Variants in WDR62 observed in about 807,000 individuals in gnomAD.
WDR62 encodes the protein WD repeat domain 62, also known as WD repeat-containing protein 62.
Under a neutral mutation model 160.6 loss-of-function variants are expected in WDR62, and 112 were observed. The observed-to-expected ratio is 0.70, with a 90% CI of 0.60 to 0.82. The LOEUF (loss-of-function observed/expected upper bound fraction) is 0.82. Among genes scored for constraint, WDR62 ranks in the 40% least tolerant of loss-of-function variants. The probability of loss-of-function intolerance (pLI) is 0.00; values close to 1 mark genes in which losing one functional copy is unlikely to be tolerated. For missense variants in WDR62, 1,819 were observed against 1,983.8 expected, an observed-to-expected ratio of 0.92 and a Z score of 1.58; for synonymous variants, 792 against 815.1, an observed-to-expected ratio of 0.97 and a Z score of 0.48.
chr19:36,095,620 C>T (rs925129128), intron 20 of WDR62, among the ~76,000 whole-genome samples: 1 of 152,206 alleles, frequency 6.6e-6, no homozygotes, highest in Non-Finnish European at 1.5e-5. Flanking sequence ...ATGGTGAAAC[C>T]CCATGTCTGC....
At chr19:36,106,943 G>A (rs1271662934), downstream of WDR62, among the ~76,000 whole-genome samples, 3 of 152,064 alleles carry the variant, frequency 2.0e-5, no homozygotes, top group East Asian at 1.9e-4. Flanking sequence ...TGCCTAGTTC[G>A]GCCACCATTG....
At chr19:36,094,269 G>A in intron 20 of WDR62, 105 bp downstream of exon 20, 6 of 1,485,378 alleles carry the variant, frequency 4.0e-6, no homozygotes, top group Non-Finnish European at 4.7e-6. Context: ...AAACTCAGGA[G>A]TCGACAGGGT....
At chr19:36,090,381 C>T in intron 15 of WDR62, 64 bp from the exon 16 acceptor site, 1 of 1,517,640 alleles carries the variant, frequency 6.6e-7, no homozygotes, top group Admixed American at 1.7e-5. Context: ...ACAGCAAGAG[C>T]CAGAGAATGA....
chr19:36,102,178 C>T (rs1194984804), intron 26 of WDR62, 27 bp downstream of exon 26: 16 of 1,613,870 alleles, frequency 9.9e-6, no homozygotes, highest in Non-Finnish European at 1.3e-5. Context: ...CCCACACCTG[C>T]CGAGGCCGTC....
In WDR62 at chr19:36,054,920, T is replaced by TGGCGGC. The variant is rs1310497634; in HGVS notation, c.-51_-46dup. The TGGCGGC allele has an allele frequency of 1.5e-5, 23 of 1,546,014 alleles. No individual in the cohort carries two copies. Among genetic ancestry groups the TGGCGGC allele is most frequent in the Admixed American group, 1.9e-5 (1 of 51,628 alleles). ...TCGCTGTTCCAGTGGGTCGTGGCGG[T>TGGCGGC]GGCGGCAGCGGCGGTTAGGGGATGT... On this transcript the variant is annotated 5_prime_UTR_variant, in exon 1 of 32. Coordinates refer to ENST00000401500, the MANE Select transcript of WDR62 (RefSeq NM_001083961.2).
At chr19:36,086,449 C>T (rs1972236743) in intron 12 of WDR62, among the ~76,000 whole-genome samples, 2 of 152,148 alleles carry the variant, frequency 1.3e-5, no homozygotes, top group African/African-American at 2.4e-5. Context: ...ATGCGCCCAT[C>T]GAGACTCATC....
chr19:36,084,073 C>T (rs1428768270), intron 11 of WDR62, among the ~76,000 whole-genome samples: 3 of 152,002 alleles, frequency 2.0e-5, no homozygotes, highest in African/African-American at 4.8e-5. Flanking sequence ...CCTTGGTGGG[C>T]GCTGGCCTGA....
At position 36,102,782 on chromosome 19, in the gene WDR62, A is replaced by G; in HGVS notation, c.3266A>G (p.Glu1089Gly). 6.2e-7 allele frequency: 1 copy of G among 1,614,208 alleles called. No homozygotes were observed. The highest frequency in any genetic ancestry group is 1.1e-5 in the South Asian group (1 of 91,088). Residue 1089 changes from glutamate to glycine, a missense_variant, in exon 27 of 32, where the codon GAA becomes GGA. By Grantham distance (98) the Glu-to-Gly change is moderately conservative. This residue lies in a region of WDR62 where 770 missense variants were observed against 734.2 expected (regional missense o/e 1.05). Coordinates refer to ENST00000401500, the MANE Select transcript of WDR62 (RefSeq NM_001083961.2). ...GGAGACGTGGAGGCCTCTGAAGCTG[A>G]AGACCACTTCTTCAACCCACGCCTG... ...ALGDVEASEA[E>G]DHFFNPRLSI...
intron 9 of WDR62, among the ~76,000 whole-genome samples, chr19:36,078,827 C>G (rs1269859750): frequency 2.3e-5 from 3 of 132,240 alleles, no homozygotes; most frequent in Non-Finnish European, 4.7e-5. Context: ...CAGGGCGAGA[C>G]TCTGTCAAAA....
At chr19:36,067,642 C>A (rs1446392897) in intron 6 of WDR62, among the ~76,000 whole-genome samples, 186 bp from the exon 7 acceptor site, 1 of 152,238 alleles carries the variant, frequency 6.6e-6, no homozygotes, top group Non-Finnish European at 1.5e-5. Context: ...ACCCTGGGAC[C>A]AGCTCTCATT....
At chr19:36,059,511 C>A (rs1970535372) in intron 2 of WDR62, among the ~76,000 whole-genome samples, 1 of 152,128 alleles carries the variant, frequency 6.6e-6, no homozygotes, top group Admixed American at 6.6e-5. Context: ...TGAATAACAG[C>A]TCACTACAGC....
chr19:36,077,279 T>C (rs201058067), intron 9 of WDR62, among the ~76,000 whole-genome samples: 1 of 95,284 alleles, frequency 1.0e-5, no homozygotes, highest in African/African-American at 3.1e-5. Context: ...TTCCTTCCTT[T>C]TTTTTTTTTT....
In WDR62 at chr19:36,067,538, C is replaced by T. The variant is rs993275746; in HGVS notation, c.699+95C>T. 86 of 1,566,750 alleles carry T rather than the reference C, an allele frequency of 5.5e-5. 1 individual carries two copies. The highest frequency in any genetic ancestry group is 4.0e-5 in the Non-Finnish European group (46 of 1,142,962). On this transcript the variant is annotated intron_variant, in intron 6 of 31. Coordinates refer to ENST00000401500, the MANE Select transcript of WDR62 (RefSeq NM_001083961.2). Reference sequence around the variant, plus strand: ...GTTTCTCCCTGAGATTTGAGGGCAGCGGTCTCGGGCCATTTGGCCTCTCAG... The same window carrying T: ...GTTTCTCCCTGAGATTTGAGGGCAGTGGTCTCGGGCCATTTGGCCTCTCAG...
chr19:36,064,071 C>T (rs1970803950), intron 3 of WDR62, among the ~76,000 whole-genome samples: 1 of 152,138 alleles, frequency 6.6e-6, no homozygotes, highest in Admixed American at 6.5e-5. Flanking sequence ...ATGAAGCATG[C>T]TTGAGGAATC....
At chr19:36,101,407 T>G in intron 24 of WDR62, 90 bp downstream of exon 24, 1 of 1,180,856 alleles carries the variant, frequency 8.5e-7, no homozygotes, top group South Asian at 1.3e-5. Context: ...GACCCAGTAC[T>G]GAAGCTCAGA....
intron 3 of WDR62, among the ~76,000 whole-genome samples, chr19:36,065,426 A>G (rs1026664554): frequency 6.6e-6 from 1 of 152,234 alleles, no homozygotes; most frequent in Non-Finnish European, 1.5e-5. Flanking sequence ...CCAGAAACCT[A>G]CGAGCTAGCC....
chr19:36,090,454 C>A lies in WDR62; in HGVS notation c.1968C>A (p.Asn656Lys). The part of the protein sequence containing the change: ...ACQDRNVRVY[N>K]TVNGKQKKCY... ...GCCCCTACTTCCCCAGAGTCTACAA[C>A]ACTGTGAACGGGAAGCAGAAGAAGT... The change falls in exon 16 of 32, where the codon AAC becomes AAA. Residue 656 changes from asparagine to lysine, a missense_variant. Around this residue, in one of 3 missense-constraint regions of WDR62, gnomAD observed 934 missense variants for 1,157.2 expected, o/e 0.81. Coordinates refer to ENST00000401500, the MANE Select transcript of WDR62 (RefSeq NM_001083961.2). 6.2e-7 allele frequency: 1 copy of A among 1,614,106 alleles called. No homozygotes were observed. Among genetic ancestry groups the A allele is most frequent in the South Asian group, 1.1e-5 (1 of 91,088 alleles).
chr19:36,088,378 A>G (rs1033328305), intron 13 of WDR62, among the ~76,000 whole-genome samples: 9 of 152,220 alleles, frequency 5.9e-5, no homozygotes, highest in Non-Finnish European at 4.4e-5. Flanking sequence ...CCCTGTTCCA[A>G]GGGCTTCACA....
chr19:36,085,472 G>A (rs1226140648), intron 12 of WDR62, among the ~76,000 whole-genome samples: 4 of 138,234 alleles, frequency 2.9e-5, no homozygotes, highest in Non-Finnish European at 6.1e-5. Context: ...CCTGGCCGGA[G>A]GGCAATGACG....
Sources: gnomAD v4.1 joint callset for allele counts (sites outside exome capture counted in the v4.1 genomes callset) on GRCh38, gnomAD v4.1.1 for gene constraint, gnomAD v4.1.1 regional missense constraint, MANE v1.5 for transcripts, NCBI Gene and HGNC (gene_info 2026-07-23, HGNC 2026-07-21) for gene names.